CDK14: variants seen among roughly 807,000 people sequenced by gnomAD.
CDK14 encodes cyclin dependent kinase 14.
A neutral mutation model predicts 60.7 loss-of-function variants in CDK14; 34 were observed. That is an observed-to-expected ratio of 0.56 (90% CI 0.43 to 0.75). The LOEUF (loss-of-function observed/expected upper bound fraction) is 0.75. Among genes scored for constraint, CDK14 ranks in the 30% least tolerant of loss-of-function variants. The probability of loss-of-function intolerance (pLI) is 0.00; values close to 1 mark genes in which losing one functional copy is unlikely to be tolerated. For synonymous variants in CDK14, 197 were observed against 203.7 expected (o/e 0.97, Z 0.28); for missense variants, 482 against 564.1 (o/e 0.85, Z 1.47).
chr7:90,845,781 T>A, intron 5 of CDK14, among the ~76,000 whole-genome samples: 1 of 152,096 alleles, frequency 6.6e-6, no homozygotes, highest in Non-Finnish European at 1.5e-5. Flanking sequence ...TCTGAAAAAA[T>A]AAAATGAGAA....
At chr7:90,785,155 A>G (rs998265059) in intron 4 of CDK14, among the ~76,000 whole-genome samples, 2 of 152,314 alleles carry the variant, frequency 1.3e-5, no homozygotes, top group Non-Finnish European at 1.5e-5. Flanking sequence ...GAAGCAGAAT[A>G]TATTAAATTT....
chr7:90,764,221 G>T (rs969051917), intron 4 of CDK14, among the ~76,000 whole-genome samples: 17 of 152,120 alleles, frequency 1.1e-4, no homozygotes, highest in Admixed American at 7.9e-4. Context: ...AGACAGAAAG[G>T]TCTGGCAATT....
At chr7:90,821,114 C>CTT (rs1426692927) in intron 5 of CDK14, among the ~76,000 whole-genome samples, 1 of 152,152 alleles carries the variant, frequency 6.6e-6, no homozygotes, top group Non-Finnish European at 1.5e-5. Flanking sequence ...TTATATGTCC[C>CTT]TTCTTTCACA....
intron 2 of CDK14, among the ~76,000 whole-genome samples, chr7:90,682,236 T>C (rs371877636): frequency 6.6e-6 from 1 of 152,146 alleles, no homozygotes; most frequent in African/African-American, 2.4e-5. Flanking sequence ...GAAAAATCTT[T>C]AAGGGAAAAT....
At chr7:90,772,027 T>G (rs1204972065) in intron 4 of CDK14, among the ~76,000 whole-genome samples, 1 of 152,220 alleles carries the variant, frequency 6.6e-6, no homozygotes, top group Non-Finnish European at 1.5e-5. Context: ...ACAGATGGAC[T>G]TTTGGGATAG....
At chr7:91,095,486 C>T (rs992587573) in intron 12 of CDK14, among the ~76,000 whole-genome samples, 2 of 152,126 alleles carry the variant, frequency 1.3e-5, no homozygotes, top group Non-Finnish European at 2.9e-5. Flanking sequence ...TAGTATTTCT[C>T]CCAAGGAAAT....
In CDK14 at chr7:91,034,441, G is replaced by A. The variant is rs187510785; in HGVS notation, c.1042-11456G>A. Reference sequence around the variant, plus strand: ...CAGCCAAGCACCACTAAATGAGACAGTAACCTTCTAGCAGGTGAATTGAAC... The same window carrying A: ...CAGCCAAGCACCACTAAATGAGACAATAACCTTCTAGCAGGTGAATTGAAC... On this transcript the variant is annotated intron_variant, in intron 10 of 14. Coordinates refer to ENST00000380050, the MANE Select transcript of CDK14 (RefSeq NM_001287135.2). Among the ~76,000 whole-genome samples, 10 of 152,152 alleles carry A rather than the reference G, an allele frequency of 6.6e-5. No individual in the cohort carries two copies. In the East Asian group the frequency reaches 1.9e-3, roughly 29 times the overall value.
intron 10 of CDK14, among the ~76,000 whole-genome samples, chr7:91,003,291 C>T (rs1267309321): frequency 1.3e-5 from 2 of 152,102 alleles, no homozygotes; most frequent in South Asian, 2.1e-4. Flanking sequence ...CAGTTTTCCA[C>T]CATACTAGTC....
At chr7:90,734,116 C>T (rs750028801) in intron 3 of CDK14, among the ~76,000 whole-genome samples, 15 of 152,092 alleles carry the variant, frequency 9.9e-5, no homozygotes, top group African/African-American at 2.4e-4. Context: ...TACTTTCCTT[C>T]GAGAATGTTG....
At chr7:90,752,721 T>C (rs1803895797) in intron 4 of CDK14, among the ~76,000 whole-genome samples, 2 of 152,070 alleles carry the variant, frequency 1.3e-5, no homozygotes, top group South Asian at 4.1e-4. Flanking sequence ...AAATCAAAAG[T>C]TGGTTCTTTG....
chr7:90,846,935 T>C (rs540830971), intron 5 of CDK14, among the ~76,000 whole-genome samples: 1 of 152,124 alleles, frequency 6.6e-6, no homozygotes, highest in Non-Finnish European at 1.5e-5. Flanking sequence ...TCCCCAAAGC[T>C]CTCCTGTGTG....
intron 12 of CDK14, among the ~76,000 whole-genome samples, chr7:91,096,126 C>G (rs1032140622): frequency 6.6e-6 from 1 of 151,256 alleles, no homozygotes; most frequent in African/African-American, 2.4e-5. Context: ...GCCAGCAGCC[C>G]CAAAGGTGGC....
intron 11 of CDK14, among the ~76,000 whole-genome samples, chr7:91,052,571 A>G (rs1797422574): frequency 6.6e-6 from 1 of 152,186 alleles, no homozygotes; most frequent in African/African-American, 2.4e-5. Flanking sequence ...CATCTCTCAA[A>G]TGCTTCCAAC....
chr7:90,889,851 A>G (rs1353471493), intron 6 of CDK14, among the ~76,000 whole-genome samples: 1 of 152,210 alleles, frequency 6.6e-6, no homozygotes, highest in Non-Finnish European at 1.5e-5. Flanking sequence ...TTTGCAGACC[A>G]TATTGTCTCT....
chr7:91,140,503 A>G (rs1251234088), intron 14 of CDK14, among the ~76,000 whole-genome samples: 2 of 152,166 alleles, frequency 1.3e-5, no homozygotes, highest in Non-Finnish European at 2.9e-5. Context: ...CATTCATTGC[A>G]CTAGCATCAG....
chr7:90,729,175 C>T (rs1210150187), intron 3 of CDK14, among the ~76,000 whole-genome samples: 2 of 151,484 alleles, frequency 1.3e-5, no homozygotes, highest in South Asian at 2.1e-4. Context: ...GGGGGCTGGC[C>T]GAGGGAGACT....
chr7:90,689,573 A>G (rs1801511428), intron 2 of CDK14, among the ~76,000 whole-genome samples: 1 of 152,224 alleles, frequency 6.6e-6, no homozygotes, highest in Non-Finnish European at 1.5e-5. Context: ...CATTTTTACA[A>G]TTAGATCTTC....
chr7:90,844,632 T>C (rs1206571311), intron 5 of CDK14, among the ~76,000 whole-genome samples: 2 of 152,204 alleles, frequency 1.3e-5, no homozygotes, highest in African/African-American at 4.8e-5. Context: ...TGATCAGGTT[T>C]CATTTCCAAG....
intron 9 of CDK14, among the ~76,000 whole-genome samples, chr7:90,957,958 C>T (rs1168776133): frequency 1.3e-5 from 2 of 152,146 alleles, no homozygotes; most frequent in Admixed American, 6.5e-5. Context: ...TAATAGGAGT[C>T]ATTTTCCCTG....
Sources: allele counts gnomAD v4.1 joint callset (sites outside exome capture counted in the v4.1 genomes callset), GRCh38; gene constraint gnomAD v4.1.1; transcripts MANE v1.5; gene names NCBI Gene and HGNC (gene_info 2026-07-23, HGNC 2026-07-21).